ZFHX3: variants seen among roughly 807,000 people sequenced by gnomAD.
ZFHX3 encodes the protein zinc finger homeobox 3, also known as zinc finger homeobox protein 3.
Under a neutral mutation model 279.1 loss-of-function variants are expected in ZFHX3, and 42 were observed. That is an observed-to-expected ratio of 0.15 (90% confidence interval 0.12 to 0.19). The LOEUF (loss-of-function observed/expected upper bound fraction) is 0.19, where lower values mean the gene tolerates loss of function less well. ZFHX3 is among the 10% of genes least tolerant of loss of function. ZFHX3 has a pLI of 1.00. For synonymous variants in ZFHX3, 2,293 were observed against 1,957.8 expected (o/e 1.17, Z -4.52); for missense variants, 4,981 against 4,754.0 (o/e 1.05, Z -1.40).
chr16:73,605,208 C>T (rs2143869953), intron 2 of ZFHX3, among the ~76,000 whole-genome samples: 1 of 152,306 alleles, frequency 6.6e-6, no homozygotes, highest in East Asian at 1.9e-4. Context: ...CCATGTCTAG[C>T]AACACTGTCT....
At chr16:73,871,331 A>T (rs1385633417) in intron 1 of ZFHX3, among the ~76,000 whole-genome samples, 1 of 152,158 alleles carries the variant, frequency 6.6e-6, no homozygotes, top group African/African-American at 2.4e-5. Flanking sequence ...ATATATTTTA[A>T]ACCGCCTGTC....
chr16:73,354,393 T>C lies in ZFHX3; in HGVS notation c.-1290-36057A>G, dbSNP rs2016299109. On this transcript the variant is annotated intron_variant, in intron 3 of 17. Transcript: ENST00000641206. Reference sequence around the variant, plus strand: ...TGTATAGACGCCAACAGGATCCAAATTCTTAACTGGCTGCAAATCCAAAGT... The same window carrying C: ...TGTATAGACGCCAACAGGATCCAAACTCTTAACTGGCTGCAAATCCAAAGT... Among the ~76,000 whole-genome samples, 3 of 152,276 alleles carry C rather than the reference T, an allele frequency of 2.0e-5. No homozygotes were observed. In the South Asian group the frequency reaches 6.2e-4, roughly 32 times the overall value.
chr16:73,361,462 T>C (rs191748933), intron 3 of ZFHX3, among the ~76,000 whole-genome samples: 114 of 152,374 alleles, frequency 7.5e-4, no homozygotes, highest in Non-Finnish European at 1.1e-3. Context: ...TCATGCGGAA[T>C]ACCACTGTTG....
rs150750800 is a variant in ZFHX3, at chr16:72,793,368, G to A, written c.9314C>T (p.Pro3105Leu). The change falls in exon 9 of 10, where the codon CCT (proline) becomes CTT (leucine). Residue 3105 changes from proline (P) to leucine (L), a missense_variant. Pro to Leu is a moderately conservative substitution (Grantham distance 98). Coordinates refer to ENST00000268489, the MANE Select transcript of ZFHX3 (RefSeq NM_006885.4). The surrounding 1 kb of genome is among the most constrained non-coding windows in gnomAD (Gnocchi z 4.3). ...AQQQGMFDNT[P>L]LQALNLPTAY... is the part of the protein sequence containing the mutation. ...TGTAGGAAGGTTAAGGGCCTGAAGAGGGGTGTTGTCAAACATCCCTTGCTG... is the reference window on the plus strand; with the variant it reads ...TGTAGGAAGGTTAAGGGCCTGAAGAAGGGTGTTGTCAAACATCCCTTGCTG... 9.2e-5 allele frequency: 148 copies of A among 1,614,086 alleles called. No homozygotes were observed. The highest frequency in any genetic ancestry group is 1.2e-4 in the Non-Finnish European group (141 of 1,180,046).
chr16:73,388,198 A>C (rs2016939517), intron 3 of ZFHX3, among the ~76,000 whole-genome samples: 1 of 152,182 alleles, frequency 6.6e-6, no homozygotes, highest in South Asian at 2.1e-4. Context: ...AATGGCTGCC[A>C]CAGGTCTTCT....
At position 73,811,438 on chromosome 16, in the gene ZFHX3, CTTTTTTTTTT is replaced by C. The variant is rs34134056; in HGVS notation, c.-1608+80203_-1608+80212del. On this transcript the variant is annotated intron_variant, in intron 1 of 17. Coordinates refer to the ZFHX3 transcript ENST00000641206. The stretch of plus-strand genomic sequence containing the variant: ...TGATCTTCAATCCCTTCAGTCTCTT[CTTTTTTTTTT>C]TTTTTTTTTTTTTGAGACGGAGTCT... 1.1e-4 allele frequency among the ~76,000 whole-genome samples: 12 copies of C among 106,574 alleles called. No homozygotes were observed. In the East Asian group the frequency reaches 2.7e-3, roughly 24 times the overall value. The allele number at this position is 106,574 out of a possible 152,430, so 69.9% of individuals were successfully genotyped here.
rs55933867 is a variant in ZFHX3 at position 73,330,453 on chromosome 16, A to G, written c.-1290-12117T>C. ...GCAAAGTGAAGGCAACAATTCATGC[A>G]TGTGCTGCAAGACAGTCTTTTGCAC... On this transcript the variant is annotated intron_variant, in intron 3 of 17. Transcript: ENST00000641206. Among the ~76,000 whole-genome samples, 748 of 152,326 alleles carry G rather than the reference A, an allele frequency of 4.9e-3. 7 individuals carry two copies. The highest frequency in any genetic ancestry group is 0.017 in the African/African-American group (709 of 41,566).
intron 1 of ZFHX3, among the ~76,000 whole-genome samples, chr16:73,719,123 C>A (rs1188749509): frequency 6.6e-6 from 1 of 152,200 alleles, no homozygotes; most frequent in Admixed American, 6.5e-5. Flanking sequence ...AAATAAGAAT[C>A]TTGGTCACTT....
chr16:73,833,177 A>G (rs1056796907), intron 1 of ZFHX3, among the ~76,000 whole-genome samples: 1 of 152,156 alleles, frequency 6.6e-6, no homozygotes, highest in Non-Finnish European at 1.5e-5. Flanking sequence ...AGCCCAGGCG[A>G]CGTAGCAAGA....
intron 1 of ZFHX3, among the ~76,000 whole-genome samples, chr16:73,683,191 T>C (rs1313943999): frequency 1.3e-5 from 2 of 152,124 alleles, no homozygotes; most frequent in African/African-American, 4.8e-5. Context: ...CAGCGATGTA[T>C]ATAATGGGTG....
At chr16:73,349,144 TTCCTGCTACCTCTAGACTTTTG>T (rs1395146717) in intron 3 of ZFHX3, among the ~76,000 whole-genome samples, 1 of 148,198 alleles carries the variant, frequency 6.7e-6, no homozygotes, top group Non-Finnish European at 1.5e-5. Flanking sequence ...CTCTTGTGTC[TTCCTGCTACCTCTAGACTTTTG>T]TTCTGCCACA....
intron 3 of ZFHX3, among the ~76,000 whole-genome samples, chr16:72,915,436 C>T (rs1597374126): frequency 1.3e-5 from 2 of 152,128 alleles, no homozygotes; most frequent in African/African-American, 4.8e-5. Context: ...CCTGTCCACC[C>T]AACTAGATCT....
rs191632581 is a variant in ZFHX3 at position 72,788,347 on chromosome 16, T to C, written c.9929A>G (p.Tyr3310Cys). 6.2e-7 allele frequency: 1 copy of C among 1,614,094 alleles called. No homozygotes were observed. The highest frequency in any genetic ancestry group is 1.1e-5 in the South Asian group (1 of 91,074). Reference protein sequence around the residue: ...TALLTSQFLPYFVPGFSPYYA... With the variant: ...TALLTSQFLPCFVPGFSPYYA... ...ATAAGGAGAAAAGCCTGGTACAAAGTAAGGAAGGAACTGGCTTGTGAGCAA... is the reference window on the plus strand; with the variant it reads ...ATAAGGAGAAAAGCCTGGTACAAAGCAAGGAAGGAACTGGCTTGTGAGCAA... Residue 3310 changes from tyrosine to cysteine, a missense_variant, in exon 10 of 10, where the codon TAC becomes TGC. This residue lies in a region of ZFHX3 where 1,034 missense variants were observed against 786.0 expected (regional missense o/e 1.32). Transcript: ENST00000268489.
chr16:72,829,169 ATTT>A (rs61563409), intron 5 of ZFHX3, among the ~76,000 whole-genome samples: 15 of 134,808 alleles, frequency 1.1e-4, no homozygotes, highest in Admixed American at 5.1e-4. Flanking sequence ...CACACCCAGC[ATTT>A]TTTTTTTTTT....
intron 8 of ZFHX3, among the ~76,000 whole-genome samples, chr16:73,075,448 T>A (rs1965877323): frequency 1.3e-5 from 2 of 152,108 alleles, no homozygotes; most frequent in African/African-American, 4.8e-5. Flanking sequence ...AAAATATGAT[T>A]TAGTACCTAA....
At chr16:73,738,622 A>G (rs1177240953) in intron 1 of ZFHX3, among the ~76,000 whole-genome samples, 1 of 152,216 alleles carries the variant, frequency 6.6e-6, no homozygotes, top group Admixed American at 6.5e-5. Flanking sequence ...TTTATGCTAG[A>G]GTTCCACGGT....
chr16:73,550,039 G>C (rs1056424474), intron 2 of ZFHX3, among the ~76,000 whole-genome samples: 2 of 152,006 alleles, frequency 1.3e-5, no homozygotes, highest in Non-Finnish European at 2.9e-5. Context: ...CGAGGGGTGG[G>C]AGGTGCGAAG....
intron 7 of ZFHX3, among the ~76,000 whole-genome samples, chr16:73,112,448 G>A (rs1457351334): frequency 6.6e-6 from 1 of 151,976 alleles, no homozygotes; most frequent in Admixed American, 6.6e-5. Flanking sequence ...CCCAGTGGCT[G>A]GCACCTGTAA....
intron 7 of ZFHX3, among the ~76,000 whole-genome samples, chr16:73,107,589 C>G (rs1966320046): frequency 6.6e-6 from 1 of 152,184 alleles, no homozygotes; most frequent in South Asian, 2.1e-4. Context: ...ACTCCTGTGC[C>G]TGGAACAAAC....
Sources: gnomAD v4.1 joint callset for allele counts (sites outside exome capture counted in the v4.1 genomes callset) on GRCh38, gnomAD v4.1.1 for gene constraint, gnomAD v4.1.1 regional missense constraint, Gnocchi (gnomAD v3.1) non-coding constraint, MANE v1.5 for transcripts, NCBI Gene and HGNC (gene_info 2026-07-23, HGNC 2026-07-21) for gene names.